Variants in LRIF1 observed in about 807,000 individuals in gnomAD.
LRIF1 encodes the protein ligand dependent nuclear receptor interacting factor 1.
LRIF1 carries 32 observed loss-of-function variants against 52.7 expected under a neutral mutation model. That is an observed-to-expected ratio of 0.61 (90% confidence interval 0.46 to 0.82). The LOEUF (loss-of-function observed/expected upper bound fraction) is 0.82. Among genes scored for constraint, LRIF1 ranks in the 40% least tolerant of loss-of-function variants. The probability of loss-of-function intolerance (pLI) is 0.00; values close to 1 mark genes in which losing one functional copy is unlikely to be tolerated. For missense variants in LRIF1, 887 were observed against 892.0 expected (o/e 0.99, Z 0.07); for synonymous variants, 323 against 317.4 (o/e 1.02, Z -0.19).
chr1:110,925,903 G>A, the LRIF1 span, among the ~76,000 whole-genome samples: 1 of 151,866 alleles, frequency 6.6e-6, no homozygotes, highest in African/African-American at 2.4e-5. Context: ...CAAAATTGAA[G>A]CCAGATATTA....
the LRIF1 span, among the ~76,000 whole-genome samples, chr1:110,925,317 A>G: frequency 1.3e-5 from 2 of 151,992 alleles, no homozygotes; most frequent in Admixed American, 1.3e-4. Context: ...TCAAATTGCA[A>G]CTCTTTCCTC....
chr1:110,923,573 C>T, the LRIF1 span, among the ~76,000 whole-genome samples: 2 of 152,076 alleles, frequency 1.3e-5, no homozygotes, highest in South Asian at 4.2e-4. Context: ...ATCAGAAAAT[C>T]TTTATACATT....
In LRIF1 at chr1:110,952,547, C is replaced by G; in HGVS notation, c.337G>C (p.Asp113His). 1 of 1,614,018 alleles carries G rather than the reference C, an allele frequency of 6.2e-7. No homozygotes were observed. The highest frequency in any genetic ancestry group is 8.5e-7 in the Non-Finnish European group (1 of 1,179,904). Residue 113 changes from aspartate (D) to histidine (H), a missense_variant, in exon 2 of 4, where the codon GAT becomes CAT. By Grantham distance (81) the Asp-to-His change is moderately conservative (BLOSUM62 -1). Coordinates refer to ENST00000369763, the MANE Select transcript of LRIF1 (RefSeq NM_018372.4). ...GTAACTCTACCTTTTTCTGATGTAT[C>G]TACTGTTCTTGTAAGAAAATAGTTT... ...SSNYFLTRTV[D>H]TSEKGRVTSV... is the part of the protein sequence containing the mutation.
At chr1:110,911,052 A>G in the LRIF1 span, among the ~76,000 whole-genome samples, 3 of 152,308 alleles carry the variant, frequency 2.0e-5, no homozygotes, top group Non-Finnish European at 4.4e-5. Flanking sequence ...CAAAATATCA[A>G]TGAAGGCAAG....
intron 2 of LRIF1, 46 bp from the exon 3 acceptor site, chr1:110,950,169 C>A: frequency 6.5e-7 from 1 of 1,542,688 alleles, no homozygotes; most frequent in Non-Finnish European, 8.7e-7. Context: ...GCTAATTATT[C>A]AAGTTACTTT....
At chr1:110,961,112 T>C (rs536939360) in intron 1 of LRIF1, among the ~76,000 whole-genome samples, 5 of 152,336 alleles carry the variant, frequency 3.3e-5, no homozygotes, top group African/African-American at 1.2e-4. Context: ...TATCTTTAAC[T>C]GGATAGCTGA....
At chr1:110,955,589 AG>A (rs1658663324) in intron 1 of LRIF1, among the ~76,000 whole-genome samples, 1 of 152,218 alleles carries the variant, frequency 6.6e-6, no homozygotes, top group Non-Finnish European at 1.5e-5. Flanking sequence ...GATGCCAAAT[AG>A]GATAAGGATT....
chr1:110,911,276 A>G, the LRIF1 span, among the ~76,000 whole-genome samples: 1 of 152,164 alleles, frequency 6.6e-6, no homozygotes, highest in Non-Finnish European at 1.5e-5. Context: ...GAAGCATACA[A>G]CCTCCCAAGA....
At chr1:110,955,518 T>C (rs1362046093) in intron 1 of LRIF1, among the ~76,000 whole-genome samples, 2 of 152,200 alleles carry the variant, frequency 1.3e-5, no homozygotes, top group Non-Finnish European at 2.9e-5. Flanking sequence ...TCTGATGCAA[T>C]GTTAAGCCAA....
At chr1:110,891,990 G>A in the LRIF1 span, among the ~76,000 whole-genome samples, 1 of 152,328 alleles carries the variant, frequency 6.6e-6, no homozygotes, top group South Asian at 2.1e-4. Context: ...CTCAAGCAGG[G>A]CATCTTCTCT....
At chr1:110,924,395 G>C in the LRIF1 span, among the ~76,000 whole-genome samples, 1 of 152,216 alleles carries the variant, frequency 6.6e-6, no homozygotes, top group Non-Finnish European at 1.5e-5. Flanking sequence ...AAGGAAAGAA[G>C]TTTAATTGAC....
Position 110,949,886 on chromosome 1 carries a change from T to C in LRIF1, c.1834A>G (p.Thr612Ala), listed in dbSNP as rs374027006. Residue 612 changes from threonine (T) to alanine (A), a missense_variant, in exon 3 of 4, where the codon ACA becomes GCA. Physicochemically the swap from Thr to Ala is moderately conservative, Grantham distance 58. Transcript: ENST00000369763. ...TCTCCTTCCTTCACCATAAACTCTG[T>C]CTCTTTGTAAGTACCACTCTTTACC... ...SLVKSGTYKE[T>A]EFMVKEGERK... 2.5e-6 allele frequency: 4 copies of C among 1,613,974 alleles called. No homozygotes were observed. Among genetic ancestry groups the C allele is most frequent in the African/African-American group, 1.3e-5 (1 of 74,906 alleles).
At chr1:110,897,930 T>A in the LRIF1 span, 1 of 1,207,462 alleles carries the variant, frequency 8.3e-7, no homozygotes, top group South Asian at 1.3e-5. Flanking sequence ...GAGGATTACA[T>A]GAGTTAAGTC....
the LRIF1 span, chr1:110,897,593 T>G: frequency 4.7e-6 from 2 of 423,226 alleles, no homozygotes; most frequent in Non-Finnish European, 8.6e-6. Flanking sequence ...TCTACATTAG[T>G]TACCACTGTA....
At chr1:110,953,503 C>T in intron 1 of LRIF1, among the ~76,000 whole-genome samples, 1 of 152,172 alleles carries the variant, frequency 6.6e-6, no homozygotes, top group East Asian at 1.9e-4. Context: ...AATACCACTG[C>T]AATTTCAGCT....
intron 1 of LRIF1, among the ~76,000 whole-genome samples, chr1:110,955,988 C>T (rs1290907740): frequency 2.6e-5 from 4 of 152,254 alleles, no homozygotes; most frequent in African/African-American, 9.6e-5. Context: ...CATTGCAACA[C>T]TGGAGGAGAG....
At chr1:110,955,642 G>A (rs148908557) in intron 1 of LRIF1, among the ~76,000 whole-genome samples, 39 of 152,312 alleles carry the variant, frequency 2.6e-4, no homozygotes, top group African/African-American at 7.9e-4. Flanking sequence ...ATCACTGATG[G>A]CTTTAATAAG....
chr1:110,904,010 G>T, the LRIF1 span, among the ~76,000 whole-genome samples: 16 of 152,194 alleles, frequency 1.1e-4, no homozygotes, highest in Non-Finnish European at 2.9e-5. Flanking sequence ...TATGGCTTGT[G>T]GTGGTAGTGG....
At chr1:110,875,499 C>T in the LRIF1 span, among the ~76,000 whole-genome samples, 1 of 152,204 alleles carries the variant, frequency 6.6e-6, no homozygotes, top group Non-Finnish European at 1.5e-5. Flanking sequence ...CCATTGTTTT[C>T]AGCTTAGCTT....
Sources: gnomAD v4.1 joint callset for allele counts (sites outside exome capture counted in the v4.1 genomes callset) on GRCh38, gnomAD v4.1.1 for gene constraint, MANE v1.5 for transcripts, NCBI Gene and HGNC (gene_info 2026-07-23, HGNC 2026-07-21) for gene names.